The following RGS12 variants were observed in gnomAD, a reference collection of about 807,000 sequenced individuals.
RGS12 encodes regulator of G-protein signaling 12.
RGS12 carries 66 observed loss-of-function variants against 120.1 expected under a neutral mutation model. That is an observed-to-expected ratio of 0.55 (90% CI 0.45 to 0.67). RGS12 has a LOEUF of 0.67. Among genes scored for constraint, RGS12 ranks in the 30% least tolerant of loss-of-function variants. The probability of loss-of-function intolerance (pLI) is 0.00; values close to 1 mark genes in which losing one functional copy is unlikely to be tolerated. For missense variants in RGS12, 1,859 were observed against 1,957.7 expected (o/e 0.95, Z 0.95); for synonymous variants, 827 against 804.7 (o/e 1.03, Z -0.47).
intron 17 of RGS12, among the ~76,000 whole-genome samples, chr4:3,436,538 T>C (rs1279219720): frequency 1.3e-5 from 2 of 151,866 alleles, no homozygotes; most frequent in Non-Finnish European, 2.9e-5. Context: ...CAGGCCTGGG[T>C]CTCGAAGGAG....
intron 2 of RGS12, among the ~76,000 whole-genome samples, chr4:3,336,342 A>G (rs915760089): frequency 3.9e-5 from 6 of 152,162 alleles, no homozygotes; most frequent in South Asian, 4.1e-4. Context: ...CCTTCTCTAC[A>G]TAGTACTCTC....
At chr4:3,380,316 C>A (rs1718126902) in intron 3 of RGS12, among the ~76,000 whole-genome samples, 1 of 152,262 alleles carries the variant, frequency 6.6e-6, no homozygotes, top group Non-Finnish European at 1.5e-5. Context: ...CCCCTCCAAG[C>A]TGCTTTCACG....
In RGS12 at chr4:3,403,074, G is replaced by A. The variant is rs533646216; in HGVS notation, c.2021-10998G>A. On this transcript the variant is annotated intron_variant, in intron 4 of 17. Coordinates refer to ENST00000336727, the MANE Select transcript of RGS12 (RefSeq NM_001394154.1). ...CCTAACACTTCCCACACTGACCTTC[G>A]CAGGAGCCGCTCTGCTCACTCGCAT... Among the ~76,000 whole-genome samples the A allele has an allele frequency of 5.3e-5, 8 of 152,260 alleles. No individual in the cohort carries two copies. The South Asian group carries it at 1.5e-3, about 28-fold the overall frequency.
Position 3,384,441 on chromosome 4 carries a change from A to T in RGS12, c.1999-1975A>T, listed in dbSNP as rs1259737505. On this transcript the variant is annotated intron_variant, in intron 3 of 17. Coordinates refer to ENST00000336727, the MANE Select transcript of RGS12 (RefSeq NM_001394154.1). ...AGTGCTGGGATTACAGGTGTGAGCC[A>T]CTGCGCCCAGCCTTCCTGTGATATT... Among the ~76,000 whole-genome samples the T allele has an allele frequency of 2.6e-5, 4 of 152,216 alleles. No individual in the cohort carries two copies. The East Asian group carries it at 7.7e-4, about 29-fold the overall frequency.
chr4:3,414,395 A>G, intron 5 of RGS12, 154 bp downstream of exon 5: 1 of 843,364 alleles, frequency 1.2e-6, no homozygotes, highest in Non-Finnish European at 1.8e-6. Flanking sequence ...CCACCCTCTC[A>G]AGAGCTCAGA....
At chr4:3,361,867 C>T (rs556059499) in intron 3 of RGS12, among the ~76,000 whole-genome samples, 14 of 152,298 alleles carry the variant, frequency 9.2e-5, no homozygotes, top group African/African-American at 2.9e-4. Context: ...CACCAAGGGC[C>T]TAGAAGACAG....
intron 5 of RGS12, 30 bp downstream of exon 5, chr4:3,414,271 A>G: frequency 6.6e-7 from 1 of 1,516,724 alleles, no homozygotes; most frequent in African/African-American, 1.4e-5. Flanking sequence ...GGAGCAGCGG[A>G]GCGGTCTGTG....
chr4:3,305,068 T>C (rs1047567406), intron 1 of RGS12, among the ~76,000 whole-genome samples: 1 of 152,182 alleles, frequency 6.6e-6, no homozygotes, highest in Non-Finnish European at 1.5e-5. Context: ...CTCACATCCC[T>C]GCTGGCTGTT....
chr4:3,303,022 C>G (rs1723771678), intron 1 of RGS12, among the ~76,000 whole-genome samples: 1 of 152,142 alleles, frequency 6.6e-6, no homozygotes, highest in Non-Finnish European at 1.5e-5. Flanking sequence ...GCTGCAGAAG[C>G]CACGAGACAG....
At chr4:3,411,935 G>A (rs1560157856) in intron 4 of RGS12, among the ~76,000 whole-genome samples, 5 of 152,232 alleles carry the variant, frequency 3.3e-5, no homozygotes, top group Admixed American at 2.6e-4. Context: ...TCGGAGTCAG[G>A]GCTTCCGTGT....
intron 3 of RGS12, among the ~76,000 whole-genome samples, chr4:3,373,488 G>C (rs1717275023): frequency 6.6e-6 from 1 of 152,354 alleles, no homozygotes; most frequent in South Asian, 2.1e-4. Flanking sequence ...CATCCGGGAA[G>C]GTGTTCGCAT....
chr4:3,358,705 T>C (rs947993339), intron 3 of RGS12, among the ~76,000 whole-genome samples: 1 of 152,104 alleles, frequency 6.6e-6, no homozygotes, highest in African/African-American at 2.4e-5. Flanking sequence ...ATAATCCTTT[T>C]AATATGCTGC....
intron 2 of RGS12, among the ~76,000 whole-genome samples, chr4:3,325,609 A>G (rs567573228): frequency 6.6e-6 from 1 of 152,326 alleles, no homozygotes; most frequent in South Asian, 2.1e-4. Flanking sequence ...AATTCTACCA[A>G]ACCTATGAAG....
rs182910518 is a variant in RGS12, at chr4:3,417,662, G to A, written c.2761+121G>A. 290 of 1,073,874 alleles carry A rather than the reference G, an allele frequency of 2.7e-4. 1 individual carries two copies. Among genetic ancestry groups the A allele is most frequent in the Middle Eastern group, 1.6e-3 (8 of 4,884 alleles). 66.5% of individuals were successfully genotyped at this position (1,073,874 alleles called of 1,614,324 possible). A position where few individuals can be genotyped will look rare whatever the true frequency, so the allele number is the denominator to read the frequency against. ...GTGTGCAGTGAGAGGCCCTGTTGGCGGGTCGAGGAAGCTTCTCTGAATGAA... is the reference window on the plus strand; with the variant it reads ...GTGTGCAGTGAGAGGCCCTGTTGGCAGGTCGAGGAAGCTTCTCTGAATGAA... On this transcript the variant is annotated intron_variant, in intron 9 of 17. Coordinates refer to ENST00000336727, the MANE Select transcript of RGS12 (RefSeq NM_001394154.1).
chr4:3,407,053 G>C (rs973893751), intron 4 of RGS12, among the ~76,000 whole-genome samples: 3 of 152,214 alleles, frequency 2.0e-5, no homozygotes, highest in Non-Finnish European at 2.9e-5. Flanking sequence ...GTGGAAAGAA[G>C]AGTTAAAAAC....
At chr4:3,344,320 G>A (rs905297530) in intron 3 of RGS12, among the ~76,000 whole-genome samples, 7 of 152,154 alleles carry the variant, frequency 4.6e-5, no homozygotes, top group Non-Finnish European at 1.0e-4. Context: ...AATCAGAATC[G>A]GCTGCAATGG....
At chr4:3,401,808 A>C (rs976550516) in intron 4 of RGS12, among the ~76,000 whole-genome samples, 1 of 152,286 alleles carries the variant, frequency 6.6e-6, no homozygotes, top group Non-Finnish European at 1.5e-5. Flanking sequence ...CATTTACCGC[A>C]TGCTCACCTT....
chr4:3,423,491 G>A, intron 12 of RGS12, 24 bp from the exon 13 acceptor site: 2 of 1,612,348 alleles, frequency 1.2e-6, no homozygotes, highest in Non-Finnish European at 1.7e-6. Context: ...TGAGTTGGTA[G>A]TGAATTTTTT....
chr4:3,367,549 A>G (rs1401270619), intron 3 of RGS12, among the ~76,000 whole-genome samples: 2 of 152,240 alleles, frequency 1.3e-5, no homozygotes, highest in Admixed American at 6.5e-5. Flanking sequence ...AGCAGGGGCA[A>G]TGGGCTGGGG....
Sources: allele counts gnomAD v4.1 joint callset (sites outside exome capture counted in the v4.1 genomes callset), GRCh38; gene constraint gnomAD v4.1.1; transcripts MANE v1.5; gene names NCBI Gene and HGNC (gene_info 2026-07-23, HGNC 2026-07-21).